MTMR8: variants seen among roughly 807,000 people sequenced by gnomAD.
MTMR8 encodes the protein myotubularin related protein 8, also known as phosphatidylinositol-3,5-bisphosphate 3-phosphatase MTMR8.
MTMR8 carries 65 observed loss-of-function variants against 39.3 expected under a neutral mutation model. The observed-to-expected ratio is 1.65, with a 90% CI of 1.35 to 2.03. The LOEUF is 2.03. MTMR8 is among the 30% of genes most tolerant of loss of function. The pLI is 0.00. For missense variants in MTMR8, 777 were observed against 538.9 expected (o/e 1.44, Z -4.37); for synonymous variants, 245 against 185.2 (o/e 1.32, Z -2.62).
chrX:64,304,857 CATTTATATATATATATAT>C (rs1256496712), intron 12 of MTMR8, among the ~76,000 whole-genome samples: 1 of 28,236 alleles, frequency 3.5e-5, no homozygotes, highest in Admixed American at 6.2e-4. Context: ...ATGGATCAAA[CATTTATATATATATATAT>C]ATATATATAT....
intron 11 of MTMR8, among the ~76,000 whole-genome samples, chrX:64,329,591 C>T (rs1399964624): frequency 9.0e-6 from 1 of 111,451 alleles, no homozygotes; most frequent in Non-Finnish European, 1.9e-5. Flanking sequence ...CCTCAAAATA[C>T]ATGAGATCCA....
At chrX:64,337,209 T>C in intron 9 of MTMR8, 59 bp downstream of exon 9, 1 of 1,141,195 alleles carries the variant, frequency 8.8e-7, no homozygotes, top group Non-Finnish European at 1.2e-6. Context: ...ACAGTTATTT[T>C]TTATTTTGTC....
At chrX:64,332,436 C>T (rs1303103980) in intron 10 of MTMR8, among the ~76,000 whole-genome samples, 1 of 111,686 alleles carries the variant, frequency 9.0e-6, no homozygotes, top group Non-Finnish European at 1.9e-5. Flanking sequence ...ACCACCTTTC[C>T]TTGGGGTCAA....
At chrX:64,353,635 G>T (rs149371818) in intron 4 of MTMR8, among the ~76,000 whole-genome samples, 1 of 111,741 alleles carries the variant, frequency 8.9e-6, no homozygotes, top group African/African-American at 3.2e-5. Flanking sequence ...ATACACAATT[G>T]GTAGGAATGT....
chrX:64,306,130 T>A, intron 12 of MTMR8: 1 of 230,419 alleles, frequency 4.3e-6, no homozygotes, highest in Admixed American at 4.3e-5. Flanking sequence ...TGTTTTGAAG[T>A]AAAATAAAGG....
intron 12 of MTMR8, among the ~76,000 whole-genome samples, chrX:64,296,092 T>C (rs759949242): frequency 1.8e-5 from 2 of 112,139 alleles, no homozygotes; most frequent in African/African-American, 6.5e-5. Flanking sequence ...CAAAATGTGC[T>C]ATATCCATAC....
At chrX:64,288,048 A>AAAAAAAAAAAC (rs1921256825) in intron 12 of MTMR8, among the ~76,000 whole-genome samples, 1 of 89,489 alleles carries the variant, frequency 1.1e-5, no homozygotes, top group East Asian at 3.4e-4. Context: ...AAAAAAAAAA[A>AAAAAAAAAAAC]ACTACCATAA....
chrX:64,388,553 C>T (rs904869887), intron 1 of MTMR8, among the ~76,000 whole-genome samples: 1 of 112,423 alleles, frequency 8.9e-6, no homozygotes, highest in African/African-American at 3.2e-5. Flanking sequence ...GTGCCTCCAA[C>T]TAAAGCAAAT....
intron 1 of MTMR8, among the ~76,000 whole-genome samples, chrX:64,375,542 C>T (rs905844083): frequency 2.7e-5 from 3 of 110,847 alleles, no homozygotes; most frequent in Admixed American, 9.6e-5. Flanking sequence ...GAAATCTAAC[C>T]CCTGCCAATG....
At chrX:64,307,681 C>T (rs1436799457) in intron 12 of MTMR8, among the ~76,000 whole-genome samples, 6 of 111,640 alleles carry the variant, frequency 5.4e-5, no homozygotes, top group Non-Finnish European at 9.4e-5. Flanking sequence ...ATTCTACCTC[C>T]GCTGACTTTA....
rs1007858514 is a variant in MTMR8 at position 64,292,916 on chromosome X, C to A, written c.1482-21843G>T. Among the ~76,000 whole-genome samples, 4 of 111,559 alleles carry A rather than the reference C, an allele frequency of 3.6e-5. No homozygotes were observed. The South Asian group carries it at 1.2e-3, about 32-fold the overall frequency. ...GTGACCCTCAAAAGAGGCTTTGTGC[C>A]TCAGTCCACATATACCTTGTTGATG... On this transcript the variant is annotated intron_variant, in intron 12 of 13. Coordinates refer to ENST00000374852, the MANE Select transcript of MTMR8 (RefSeq NM_017677.4).
intron 7 of MTMR8, among the ~76,000 whole-genome samples, chrX:64,344,393 G>T (rs960388634): frequency 9.0e-6 from 1 of 111,266 alleles, no homozygotes; most frequent in Non-Finnish European, 1.9e-5. Flanking sequence ...GTTGAAGAAA[G>T]AAGAGGAAGA....
Position 64,356,279 on chromosome X carries a change from G to A in MTMR8, c.207C>T (p.Pro69=), listed in dbSNP as rs1923621593. 3.3e-6 allele frequency: 4 copies of A among 1,210,115 alleles called. No individual in the cohort carries two copies. Among genetic ancestry groups the A allele is most frequent in the Non-Finnish European group, 4.5e-6 (4 of 894,702 alleles). ...EKLPITSLGC[P]LTLRCKNFRV... ...GGAAATTCTTGCAGCGGAGGGTCAG[G>A]GGACAACCCAGGCTAGTGATGGGTA... Residue 69 remains proline (P), a synonymous_variant, in exon 3 of 14, where the codon CCC becomes CCT. Coordinates refer to ENST00000374852, the MANE Select transcript of MTMR8 (RefSeq NM_017677.4).
chrX:64,298,865 A>G (rs1383428945), intron 12 of MTMR8, among the ~76,000 whole-genome samples: 1 of 43,622 alleles, frequency 2.3e-5, no homozygotes, highest in East Asian at 6.7e-4. Context: ...GGCTCTGTTT[A>G]TATGCTGGAT....
intron 12 of MTMR8, among the ~76,000 whole-genome samples, chrX:64,277,961 C>T (rs1931916442): frequency 9.2e-6 from 1 of 109,229 alleles, no homozygotes; most frequent in Admixed American, 9.9e-5. Context: ...TGTCTTCCTG[C>T]TATATTTCAT....
intron 7 of MTMR8, among the ~76,000 whole-genome samples, chrX:64,344,153 C>T (rs1450743569): frequency 1.8e-5 from 2 of 111,286 alleles, no homozygotes; most frequent in Non-Finnish European, 3.8e-5. Context: ...AAAAAAATAC[C>T]AGTTAATTTT....
intron 8 of MTMR8, among the ~76,000 whole-genome samples, chrX:64,340,433 G>A (rs1923184775): frequency 9.0e-6 from 1 of 111,083 alleles, no homozygotes; most frequent in South Asian, 3.8e-4. Context: ...AGAGTAACTA[G>A]AAGGTATAGA....
At chrX:64,348,934 T>A in intron 5 of MTMR8, 140 bp from the exon 6 acceptor site, 1 of 658,294 alleles carries the variant, frequency 1.5e-6, no homozygotes, top group Non-Finnish European at 2.2e-6. Context: ...GAAATGTGAC[T>A]CTAAAGTCAT....
chrX:64,303,470 G>A (rs1041027791), intron 12 of MTMR8, among the ~76,000 whole-genome samples: 1 of 112,055 alleles, frequency 8.9e-6, no homozygotes, highest in African/African-American at 3.2e-5. Flanking sequence ...AGAATTACTA[G>A]TTGATTTTTA....
Sources: allele counts gnomAD v4.1 joint callset (sites outside exome capture counted in the v4.1 genomes callset), GRCh38; gene constraint gnomAD v4.1.1; transcripts MANE v1.5; gene names NCBI Gene and HGNC (gene_info 2026-07-23, HGNC 2026-07-21).